LDB2: variants seen among roughly 807,000 people sequenced by gnomAD.
LDB2 encodes LIM domain binding 2.
A neutral mutation model predicts 44.3 loss-of-function variants in LDB2; 12 were observed. The ratio of observed to expected loss-of-function variants is 0.27; its 90% CI spans 0.17 to 0.44. The LOEUF (loss-of-function observed/expected upper bound fraction) is 0.44. LDB2 is among the 20% of genes least tolerant of loss of function. LDB2 has a pLI of 1.00. For synonymous variants in LDB2, 164 were observed against 174.8 expected (o/e 0.94, Z 0.49); for missense variants, 344 against 473.5 (o/e 0.73, Z 2.54).
intron 2 of LDB2, among the ~76,000 whole-genome samples, chr4:16,622,403 A>G (rs1729141450): frequency 6.6e-6 from 1 of 152,254 alleles, no homozygotes; most frequent in African/African-American, 2.4e-5. Context: ...GATACAAATC[A>G]CAAAGATGAG....
At chr4:16,567,733 G>A (rs904326466) in intron 5 of LDB2, among the ~76,000 whole-genome samples, 1 of 152,212 alleles carries the variant, frequency 6.6e-6, no homozygotes, top group Non-Finnish European at 1.5e-5. Context: ...TCGTGCCACT[G>A]CACTCCAGCC....
chr4:16,591,121 A>G (rs1215326775), intron 3 of LDB2, among the ~76,000 whole-genome samples: 4 of 152,198 alleles, frequency 2.6e-5, no homozygotes, highest in East Asian at 1.9e-4. Context: ...TGGATATTTA[A>G]ACAAATATTA....
Position 16,717,159 on chromosome 4 carries a change from A to AAATAATAATAAT in LDB2, c.235+41987_235+41998dup, listed in dbSNP as rs140994016. Among the ~76,000 whole-genome samples, 305 of 146,500 alleles carry AAATAATAATAAT rather than the reference A, an allele frequency of 2.1e-3. 1 individual carries two copies. The highest frequency in any genetic ancestry group is 7.1e-3 in the African/African-American group (278 of 39,418). On this transcript the variant is annotated intron_variant, in intron 2 of 7. Transcript: ENST00000304523. The stretch of plus-strand genomic sequence containing the variant: ...TTCACTTTTTGCCAAAGCTAATAGC[A>AAATAATAATAAT]AATAATAATAATAATAATAATAATA...
chr4:16,566,210 C>G (rs1744469191), intron 5 of LDB2, among the ~76,000 whole-genome samples: 1 of 151,780 alleles, frequency 6.6e-6, no homozygotes, highest in Non-Finnish European at 1.5e-5. Flanking sequence ...AAAAAAGTCA[C>G]AAGGATTCAC....
intron 5 of LDB2, among the ~76,000 whole-genome samples, chr4:16,546,632 A>AC (rs1332493528): frequency 6.6e-6 from 1 of 151,754 alleles, no homozygotes; most frequent in Non-Finnish European, 1.5e-5. Context: ...GCTCCTTGCC[A>AC]CCCCCTTCCC....
intron 1 of LDB2, among the ~76,000 whole-genome samples, chr4:16,850,947 AGTGTGT>A (rs71181193): frequency 2.2e-4 from 32 of 143,178 alleles, no homozygotes; most frequent in East Asian, 4.2e-4. Flanking sequence ...TAAAACCATA[AGTGTGT>A]GTGTGTGTGT....
Position 16,515,255 on chromosome 4 carries a change from G to T in LDB2, c.616-3151C>A, listed in dbSNP as rs1723202043. Among the ~76,000 whole-genome samples the T allele has an allele frequency of 2.0e-5, 3 of 152,112 alleles. No individual in the cohort carries two copies. In the South Asian group the frequency reaches 6.2e-4, roughly 32 times the overall value. On this transcript the variant is annotated intron_variant, in intron 5 of 7. Coordinates refer to ENST00000304523, the MANE Select transcript of LDB2 (RefSeq NM_001290.5). Reference sequence around the variant, plus strand: ...AACATTGGGTACATATGGGCACAAAGATGGGAACAATGACACTGGGCACTC... The same window carrying T: ...AACATTGGGTACATATGGGCACAAATATGGGAACAATGACACTGGGCACTC...
intron 5 of LDB2, among the ~76,000 whole-genome samples, chr4:16,581,932 GAA>G (rs1491146877): frequency 2.0e-5 from 3 of 147,916 alleles, no homozygotes; most frequent in Admixed American, 6.9e-5. Context: ...AAGAAAGAAA[GAA>G]AGAAAGGAAG....
intron 2 of LDB2, among the ~76,000 whole-genome samples, chr4:16,616,772 G>A (rs1456511739): frequency 2.0e-5 from 3 of 152,182 alleles, no homozygotes; most frequent in South Asian, 2.1e-4. Flanking sequence ...CTGCCTCCTC[G>A]AGTAAAAGTC....
chr4:16,879,939 G>C (rs929939314), intron 1 of LDB2, among the ~76,000 whole-genome samples: 1 of 152,124 alleles, frequency 6.6e-6, no homozygotes, highest in African/African-American at 2.4e-5. Context: ...TCCTCTTGGT[G>C]TCCAACTCTC....
In LDB2 at chr4:16,895,906, A is replaced by G. The variant is rs530246641; in HGVS notation, c.132+2448T>C. On this transcript the variant is annotated intron_variant, in intron 1 of 7. Transcript: ENST00000304523. The stretch of plus-strand genomic sequence containing the variant: ...ACATACATCATGATCAAAATTTAAT[A>G]TTTGATGTAAATATTTAAATATCTT... 1.1e-3 allele frequency among the ~76,000 whole-genome samples: 175 copies of G among 152,206 alleles called. 1 individual carries two copies. Among genetic ancestry groups the G allele is most frequent in the African/African-American group, 4.0e-3 (165 of 41,526 alleles).
intron 2 of LDB2, among the ~76,000 whole-genome samples, chr4:16,705,619 G>T (rs1355907246): frequency 6.6e-6 from 1 of 152,146 alleles, no homozygotes; most frequent in East Asian, 1.9e-4. Context: ...AAAATATAGA[G>T]GCTTTTTGTT....
In LDB2 at chr4:16,829,623, A is replaced by G. The variant is rs528826812; in HGVS notation, c.132+68731T>C. 2.0e-5 allele frequency among the ~76,000 whole-genome samples: 3 copies of G among 152,342 alleles called. No individual in the cohort carries two copies. The South Asian group carries it at 6.2e-4, about 32-fold the overall frequency. On this transcript the variant is annotated intron_variant, in intron 1 of 7. Coordinates refer to ENST00000304523, the MANE Select transcript of LDB2 (RefSeq NM_001290.5). Reference sequence around the variant, plus strand: ...CCTGACCTCAGATTTCACATCTATGAAATTACCGTAGTAATATACTAACTC... The same window carrying G: ...CCTGACCTCAGATTTCACATCTATGGAATTACCGTAGTAATATACTAACTC...
intron 1 of LDB2, among the ~76,000 whole-genome samples, chr4:16,837,702 T>G (rs892130999): frequency 1.1e-4 from 16 of 152,156 alleles, no homozygotes; most frequent in Non-Finnish European, 4.4e-5. Context: ...CGTTGCCAAG[T>G]TGTATGAGTG....
At chr4:16,820,103 A>G (rs1781658821) in intron 1 of LDB2, among the ~76,000 whole-genome samples, 1 of 152,360 alleles carries the variant, frequency 6.6e-6, no homozygotes, top group African/African-American at 2.4e-5. Context: ...TAAATAGTAC[A>G]TGAGGAATAA....
intron 1 of LDB2, among the ~76,000 whole-genome samples, chr4:16,771,930 G>T (rs191952049): frequency 6.6e-6 from 1 of 152,160 alleles, no homozygotes; most frequent in African/African-American, 2.4e-5. Flanking sequence ...TCTATGGTTC[G>T]TCATTGCTGT....
chr4:16,503,539 C>A (rs1450084110), intron 7 of LDB2, among the ~76,000 whole-genome samples: 1 of 152,196 alleles, frequency 6.6e-6, no homozygotes, highest in Non-Finnish European at 1.5e-5. Context: ...TGACAATTTG[C>A]ATAGCTAATT....
intron 2 of LDB2, among the ~76,000 whole-genome samples, chr4:16,601,381 G>A (rs916828657): frequency 1.3e-5 from 2 of 152,102 alleles, no homozygotes; most frequent in African/African-American, 4.8e-5. Context: ...TTAGATGCCT[G>A]CAATTTCTAT....
chr4:16,590,753 T>C (rs1032709561), intron 3 of LDB2, among the ~76,000 whole-genome samples: 1 of 152,210 alleles, frequency 6.6e-6, no homozygotes, highest in Non-Finnish European at 1.5e-5. Context: ...TGTGGGTAAT[T>C]TCAGGCATGT....
Sources: allele counts gnomAD v4.1 joint callset (sites outside exome capture counted in the v4.1 genomes callset), GRCh38; gene constraint gnomAD v4.1.1; transcripts MANE v1.5; gene names NCBI Gene and HGNC (gene_info 2026-07-23, HGNC 2026-07-21).